MAGI1: variants seen among roughly 807,000 people sequenced by gnomAD.
MAGI1 encodes the protein membrane associated guanylate kinase, WW and PDZ domain containing 1.
MAGI1 carries 58 observed loss-of-function variants against 139.9 expected under a neutral mutation model. The observed-to-expected ratio is 0.41, with a 90% CI of 0.34 to 0.52. MAGI1 has a LOEUF of 0.52. MAGI1 is among the 20% of genes least tolerant of loss of function. MAGI1 has a pLI of 0.12. For synonymous variants in MAGI1, 812 were observed against 737.9 expected, an observed-to-expected ratio of 1.10 and a Z score of -1.63; for missense variants, 1,874 against 1,901.6, an observed-to-expected ratio of 0.99 and a Z score of 0.27.
chr3:65,687,650 G>C (rs1453172537), intron 1 of MAGI1: 7 of 479,932 alleles, frequency 1.5e-5, no homozygotes, highest in South Asian at 1.2e-4. Context: ...ACAGGCCACA[G>C]TGCAGCTGCC....
chr3:65,535,913 T>C (rs1289674872), intron 2 of MAGI1, among the ~76,000 whole-genome samples: 1 of 152,140 alleles, frequency 6.6e-6, no homozygotes, highest in Non-Finnish European at 1.5e-5. Context: ...TTAAGGACCA[T>C]GTTGAATTTT....
intron 8 of MAGI1, 39 bp downstream of exon 8, chr3:65,442,753 A>C (rs1185369398): frequency 6.9e-7 from 1 of 1,440,400 alleles, no homozygotes; most frequent in East Asian, 2.3e-5. Context: ...AATTATAGAG[A>C]GGTATAAACT....
At chr3:65,771,260 T>C (rs575657356) in intron 1 of MAGI1, among the ~76,000 whole-genome samples, 238 of 151,662 alleles carry the variant, frequency 1.6e-3, no homozygotes, top group Middle Eastern at 3.4e-3. Flanking sequence ...TGAGCCGAGA[T>C]TGCACCACTG....
intron 1 of MAGI1, among the ~76,000 whole-genome samples, chr3:65,734,475 A>T (rs1316853134): frequency 6.8e-6 from 1 of 147,156 alleles, no homozygotes; most frequent in East Asian, 1.9e-4. Flanking sequence ...AAAAAAAAAG[A>T]AAGAAGAGAA....
At chr3:65,441,939 A>G (rs541635705) in intron 8 of MAGI1, among the ~76,000 whole-genome samples, 1 of 152,358 alleles carries the variant, frequency 6.6e-6, no homozygotes, top group East Asian at 1.9e-4. Context: ...AGCAGCATAA[A>G]GGAAAGAAAA....
chr3:65,453,425 G>C (rs758883034), intron 5 of MAGI1, 85 bp from the exon 6 acceptor site: 3 of 954,540 alleles, frequency 3.1e-6, no homozygotes, highest in Non-Finnish European at 4.8e-6. Context: ...ACACACTCTT[G>C]AATATTTCTT....
At chr3:65,441,254 C>T (rs1043936724) in intron 8 of MAGI1, among the ~76,000 whole-genome samples, 2 of 152,078 alleles carry the variant, frequency 1.3e-5, no homozygotes, top group South Asian at 4.2e-4. Context: ...AGCCACCATG[C>T]CTGAACTTAT....
chr3:65,578,961 G>A (rs1316977331), intron 2 of MAGI1, among the ~76,000 whole-genome samples: 1 of 151,356 alleles, frequency 6.6e-6, no homozygotes, highest in African/African-American at 2.4e-5. Context: ...GAGAGAGAGA[G>A]AGAACGAACA....
At chr3:66,028,278 T>TA (rs1369453253) in intron 1 of MAGI1, among the ~76,000 whole-genome samples, 3 of 152,188 alleles carry the variant, frequency 2.0e-5, no homozygotes, top group African/African-American at 4.8e-5. Flanking sequence ...AGATCACAGC[T>TA]GCTTGTAGGG....
intron 1 of MAGI1, among the ~76,000 whole-genome samples, chr3:65,953,080 G>A (rs2106976966): frequency 6.6e-6 from 1 of 152,218 alleles, no homozygotes; most frequent in Admixed American, 6.5e-5. Flanking sequence ...CACAGAATTG[G>A]AATTCCAACA....
chr3:65,563,592 C>G (rs1167907409), intron 2 of MAGI1, among the ~76,000 whole-genome samples: 2 of 152,190 alleles, frequency 1.3e-5, no homozygotes, highest in African/African-American at 4.8e-5. Context: ...TGCCAAAACC[C>G]AGTGTGAACT....
intron 5 of MAGI1, among the ~76,000 whole-genome samples, chr3:65,455,582 C>T (rs893726416): frequency 6.6e-6 from 1 of 151,808 alleles, no homozygotes; most frequent in Admixed American, 6.6e-5. Flanking sequence ...GGTGTGGTGG[C>T]ACACACTAGC....
chr3:65,723,879 G>C (rs1192527713), intron 1 of MAGI1, among the ~76,000 whole-genome samples: 1 of 152,184 alleles, frequency 6.6e-6, no homozygotes, highest in East Asian at 1.9e-4. Context: ...GTGAGATTCA[G>C]CATGAGTGCA....
chr3:65,999,955 G>A (rs1560097937), intron 1 of MAGI1, among the ~76,000 whole-genome samples: 1 of 143,866 alleles, frequency 7.0e-6, no homozygotes. Context: ...GGTTAATCAG[G>A]TCTTGTTCCC....
intron 1 of MAGI1, among the ~76,000 whole-genome samples, chr3:65,730,664 G>A (rs913954303): frequency 6.6e-6 from 1 of 152,178 alleles, no homozygotes; most frequent in Non-Finnish European, 1.5e-5. Flanking sequence ...CACAAAATCA[G>A]GGGTCAGTTA....
chr3:65,566,701 C>T (rs905840088), intron 2 of MAGI1, among the ~76,000 whole-genome samples: 1 of 152,114 alleles, frequency 6.6e-6, no homozygotes, highest in Non-Finnish European at 1.5e-5. Flanking sequence ...CAATAAATAA[C>T]CCAAAAGACA....
At chr3:65,416,980 A>C (rs776956573) in intron 12 of MAGI1, among the ~76,000 whole-genome samples, 19 of 152,194 alleles carry the variant, frequency 1.2e-4, no homozygotes, top group Non-Finnish European at 2.5e-4. Context: ...ATGGTGGTAA[A>C]GAACGTGTGA....
At chr3:65,559,825 A>T (rs1490179186) in intron 2 of MAGI1, among the ~76,000 whole-genome samples, 2 of 152,190 alleles carry the variant, frequency 1.3e-5, no homozygotes, top group African/African-American at 2.4e-5. Context: ...CCTTGAGCTG[A>T]AGACTTCGAC....
chr3:65,984,512 A>ATGTATGTGTGTG, intron 1 of MAGI1, among the ~76,000 whole-genome samples: 1 of 140,472 alleles, frequency 7.1e-6, no homozygotes, highest in East Asian at 2.2e-4. Flanking sequence ...TCAAAATAAA[A>ATGTATGTGTGTG]TGTGTGTGTG....
Sources: gnomAD v4.1 joint callset for allele counts (sites outside exome capture counted in the v4.1 genomes callset) on GRCh38, gnomAD v4.1.1 for gene constraint, MANE v1.5 for transcripts, NCBI Gene and HGNC (gene_info 2026-07-23, HGNC 2026-07-21) for gene names.